DARS1: variants seen among roughly 807,000 people sequenced by gnomAD.
The protein encoded by DARS1 is aspartyl-tRNA synthetase 1.
A neutral mutation model predicts 68.8 loss-of-function variants in DARS1; 51 were observed. The observed-to-expected ratio is 0.74, with a 90% confidence interval of 0.59 to 0.94. The LOEUF is 0.94. Ranked by LOEUF, DARS1 falls within the 40% of genes least tolerant of loss-of-function variation. The pLI, the probability that DARS1 is intolerant of heterozygous loss-of-function variation, is 0.00. For missense variants in DARS1, 607 were observed against 597.3 expected (o/e 1.02, Z -0.17); for synonymous variants, 203 against 190.4 (o/e 1.07, Z -0.55).
intron 8 of DARS1, 59 bp downstream of exon 8, chr2:135,924,328 G>C: frequency 1.4e-6 from 2 of 1,464,160 alleles, no homozygotes; most frequent in Non-Finnish European, 1.8e-6. Context: ...TTAATATAAA[G>C]CAACTCTGGG....
intron 8 of DARS1, 46 bp downstream of exon 8, chr2:135,924,341 G>A (rs747276753): frequency 6.6e-7 from 1 of 1,524,688 alleles, no homozygotes; most frequent in Non-Finnish European, 8.7e-7. Context: ...ACTCTGGGGA[G>A]AGCAAATTTA....
intron 4 of DARS1, among the ~76,000 whole-genome samples, chr2:135,957,353 G>A (rs901383459): frequency 6.6e-6 from 1 of 151,698 alleles, no homozygotes; most frequent in African/African-American, 2.4e-5. Context: ...TCAGCCTCCC[G>A]AGTAGCTGGG....
chr2:135,964,273 T>C (rs895656732), intron 3 of DARS1, among the ~76,000 whole-genome samples: 1 of 152,130 alleles, frequency 6.6e-6, no homozygotes, highest in Non-Finnish European at 1.5e-5. Flanking sequence ...TTATAGGAAA[T>C]TGTTCTGTCC....
chr2:135,916,966 C>A (rs1035867130), intron 10 of DARS1, among the ~76,000 whole-genome samples: 1 of 152,084 alleles, frequency 6.6e-6, no homozygotes, highest in Non-Finnish European at 1.5e-5. Context: ...GGAGGAGGAT[C>A]ACTTGAGGTC....
chr2:135,956,171 A>C (rs1681971086), intron 4 of DARS1, among the ~76,000 whole-genome samples: 1 of 152,240 alleles, frequency 6.6e-6, no homozygotes, highest in Admixed American at 6.5e-5. Flanking sequence ...GTCAGGGAAA[A>C]CCAGAGATGG....
chr2:135,943,236 T>C (rs1252040859), intron 5 of DARS1, 142 bp downstream of exon 5: 2 of 1,207,080 alleles, frequency 1.7e-6, no homozygotes, highest in Admixed American at 2.9e-5. Flanking sequence ...ATTTGTTATA[T>C]AACAAAAGCT....
At chr2:135,971,297 A>G (rs1287456454) in intron 3 of DARS1, among the ~76,000 whole-genome samples, 1 of 152,196 alleles carries the variant, frequency 6.6e-6, no homozygotes, top group African/African-American at 2.4e-5. Flanking sequence ...TATACAAATC[A>G]ATCAATGTAA....
At chr2:135,980,753 G>C (rs1682611951) in intron 2 of DARS1, among the ~76,000 whole-genome samples, 1 of 152,190 alleles carries the variant, frequency 6.6e-6, no homozygotes, top group South Asian at 2.1e-4. Flanking sequence ...GGCTAACCAA[G>C]CAATCACAAC....
At chr2:135,936,180 G>A (rs895382874) in intron 5 of DARS1, among the ~76,000 whole-genome samples, 1 of 152,122 alleles carries the variant, frequency 6.6e-6, no homozygotes, top group African/African-American at 2.4e-5. Context: ...ATAAAGCAAA[G>A]TCACTACTTA....
rs183084616 is a variant in DARS1, at chr2:135,949,761, G to C, written c.321-6281C>G. On this transcript the variant is annotated intron_variant, in intron 4 of 15. Coordinates refer to ENST00000264161, the MANE Select transcript of DARS1 (RefSeq NM_001349.4). Reference sequence around the variant, plus strand: ...CCTGTGGCACTTAAATCCAATTAGTGAATCAACTTTTTAGATTACTCTATT... The same window carrying C: ...CCTGTGGCACTTAAATCCAATTAGTCAATCAACTTTTTAGATTACTCTATT... 5.3e-5 allele frequency among the ~76,000 whole-genome samples: 8 copies of C among 152,234 alleles called. No individual in the cohort carries two copies. In the East Asian group the frequency reaches 9.6e-4, roughly 18 times the overall value.
At chr2:135,924,147 T>C (rs1167459154) in intron 8 of DARS1, among the ~76,000 whole-genome samples, 1 of 152,212 alleles carries the variant, frequency 6.6e-6, no homozygotes, top group Non-Finnish European at 1.5e-5. Flanking sequence ...TTGCTTTGTG[T>C]GTTACTGCCT....
chr2:135,912,232 T>C (rs1680910668), intron 13 of DARS1, among the ~76,000 whole-genome samples: 1 of 152,232 alleles, frequency 6.6e-6, no homozygotes, highest in African/African-American at 2.4e-5. Flanking sequence ...TTACATAGTC[T>C]TTCTCTCTCA....
intron 7 of DARS1, among the ~76,000 whole-genome samples, chr2:135,926,118 T>C (rs1341324953): frequency 6.6e-6 from 1 of 152,178 alleles, no homozygotes; most frequent in Non-Finnish European, 1.5e-5. Flanking sequence ...CTTGAACCCC[T>C]GACCCCAGGC....
intron 3 of DARS1, among the ~76,000 whole-genome samples, chr2:135,966,071 T>C (rs1682227648): frequency 6.6e-6 from 1 of 152,156 alleles, no homozygotes; most frequent in Non-Finnish European, 1.5e-5. Context: ...TGCTGAGAGA[T>C]AAACAGGAGC....
At position 135,916,228 on chromosome 2, in the gene DARS1, C is replaced by A; in HGVS notation, c.1104G>T (p.Leu368=). ...AGVEMGDEDD[L]STPNEKLLGH... ...AAAAAAAAGCCACAAAGACAAACCT[C>A]AGATCGTCTTCATCTCCCATTTCGA... Residue 368 remains leucine, a splice_region_variant and synonymous_variant, in exon 11 of 16, where the codon CTG becomes CTT. Transcript: ENST00000264161. 4 of 1,574,338 alleles carry A rather than the reference C, an allele frequency of 2.5e-6. No homozygotes were observed. The highest frequency in any genetic ancestry group is 3.5e-6 in the Non-Finnish European group (4 of 1,144,410).
At chr2:135,933,059 A>G (rs1223225866) in intron 6 of DARS1, among the ~76,000 whole-genome samples, 1 of 152,176 alleles carries the variant, frequency 6.6e-6, no homozygotes, top group Non-Finnish European at 1.5e-5. Context: ...ATGAACAGAT[A>G]TTAATGGTTC....
chr2:135,939,250 T>C (rs565143001), intron 5 of DARS1, among the ~76,000 whole-genome samples: 22 of 152,306 alleles, frequency 1.4e-4, no homozygotes, highest in African/African-American at 3.1e-4. Context: ...ATTGACCACA[T>C]AGCTGGAAGC....
At chr2:135,985,036 G>T in intron 1 of DARS1, 2 of 281,696 alleles carry the variant, frequency 7.1e-6, no homozygotes, top group Non-Finnish European at 1.4e-5. Context: ...AGTACATATC[G>T]ATTACTAGTG....
intron 7 of DARS1, among the ~76,000 whole-genome samples, chr2:135,932,156 T>A (rs1381377059): frequency 6.6e-6 from 1 of 152,072 alleles, no homozygotes; most frequent in Admixed American, 6.5e-5. Context: ...ACTCTTAAGG[T>A]GACAAAAAAT....
Sources: gnomAD v4.1 joint callset for allele counts (sites outside exome capture counted in the v4.1 genomes callset) on GRCh38, gnomAD v4.1.1 for gene constraint, MANE v1.5 for transcripts, NCBI Gene and HGNC (gene_info 2026-07-23, HGNC 2026-07-21) for gene names.